Variants in CHN2 observed in about 807,000 individuals in gnomAD.
CHN2 encodes chimerin 2.
In CHN2, 35 loss-of-function variants were observed where a neutral mutation model predicts 56.3. The ratio of observed to expected loss-of-function variants is 0.62; its 90% CI spans 0.47 to 0.82. The LOEUF is 0.82. CHN2 is among the 40% of genes least tolerant of loss of function. The pLI, the probability that CHN2 is intolerant of heterozygous loss-of-function variation, is 0.00. For missense variants in CHN2, 491 were observed against 580.5 expected (o/e 0.85, Z 1.58); for synonymous variants, 210 against 212.8 (o/e 0.99, Z 0.12).
intron 1 of CHN2, among the ~76,000 whole-genome samples, chr7:29,349,668 C>G (rs994754724): frequency 2.6e-5 from 4 of 152,164 alleles, no homozygotes; most frequent in Non-Finnish European, 5.9e-5. Flanking sequence ...ATTGCTGAGT[C>G]AAAAGGTTGA....
intron 1 of CHN2, among the ~76,000 whole-genome samples, chr7:29,241,397 T>G (rs39079): frequency 0.77 from 117,332 of 151,924 alleles, 45,527 homozygotes; most frequent in East Asian, 0.93. Context: ...ATAGAAAGAG[T>G]GGGGGCCAGG....
At chr7:29,494,847 T>C (rs1034158679) in intron 7 of CHN2, among the ~76,000 whole-genome samples, 1 of 147,472 alleles carries the variant, frequency 6.8e-6, no homozygotes, top group Non-Finnish European at 1.5e-5. Context: ...AATAAAGAAC[T>C]CAAACTGAGG....
At chr7:29,509,458 G>A in intron 12 of CHN2, 52 bp downstream of exon 12, 1 of 1,430,732 alleles carries the variant, frequency 7.0e-7, no homozygotes, top group Non-Finnish European at 9.8e-7. Flanking sequence ...AGCGGTTAAT[G>A]CATGAGGAAA....
At chr7:29,333,321 C>G (rs1267680675) in intron 1 of CHN2, among the ~76,000 whole-genome samples, 1 of 152,190 alleles carries the variant, frequency 6.6e-6, no homozygotes, top group Non-Finnish European at 1.5e-5. Flanking sequence ...GAGCCAACAG[C>G]TGCTAAAGCT....
intron 1 of CHN2, among the ~76,000 whole-genome samples, chr7:29,286,893 A>G (rs981441523): frequency 1.3e-5 from 2 of 152,202 alleles, no homozygotes; most frequent in African/African-American, 2.4e-5. Flanking sequence ...TAGGATACCT[A>G]TGCTACCTGA....
At chr7:29,216,803 G>C (rs1379757877) in intron 1 of CHN2, among the ~76,000 whole-genome samples, 1 of 152,200 alleles carries the variant, frequency 6.6e-6, no homozygotes, top group Admixed American at 6.5e-5. Flanking sequence ...AGAACGAAGG[G>C]GAAATTAACC....
intron 6 of CHN2, among the ~76,000 whole-genome samples, chr7:29,477,679 A>C (rs977089556): frequency 6.6e-6 from 1 of 152,236 alleles, no homozygotes; most frequent in Non-Finnish European, 1.5e-5. Context: ...CTGCCATAAC[A>C]GTTGTCCTTC....
chr7:29,273,149 TTTCA>T (rs1388558623), intron 1 of CHN2, among the ~76,000 whole-genome samples: 1 of 151,700 alleles, frequency 6.6e-6, no homozygotes, highest in Non-Finnish European at 1.5e-5. Flanking sequence ...GTAATCATTG[TTTCA>T]TTCTCTATCT....
At chr7:29,271,012 T>C (rs760289942) in intron 1 of CHN2, among the ~76,000 whole-genome samples, 23 of 152,206 alleles carry the variant, frequency 1.5e-4, no homozygotes, top group Non-Finnish European at 1.5e-4. Context: ...TACATTATCT[T>C]GATAATCTTT....
chr7:29,243,829 C>G (rs1318213417), intron 1 of CHN2, among the ~76,000 whole-genome samples: 12 of 152,184 alleles, frequency 7.9e-5, no homozygotes, highest in African/African-American at 2.7e-4. Flanking sequence ...TTAAATAAGT[C>G]TGAAATTAAT....
intron 1 of CHN2, among the ~76,000 whole-genome samples, chr7:29,351,267 G>A (rs1382045871): frequency 6.6e-6 from 1 of 152,134 alleles, no homozygotes; most frequent in Non-Finnish European, 1.5e-5. Context: ...TTAGTTGTCA[G>A]AGATAGGATT....
intron 4 of CHN2, chr7:29,398,097 GTTTCAACTTTCAT>G (rs1482083417): frequency 4.3e-6 from 1 of 234,520 alleles, no homozygotes; most frequent in African/African-American, 2.3e-5. Flanking sequence ...CTGGCTTTTT[GTTTCAACTTTCAT>G]TTTCAACTTG....
chr7:29,386,367 T>A (rs143738860), intron 3 of CHN2, among the ~76,000 whole-genome samples: 3 of 152,322 alleles, frequency 2.0e-5, no homozygotes, highest in African/African-American at 7.2e-5. Flanking sequence ...ACTTGATCCA[T>A]CTCTCAGAAA....
At chr7:29,481,430 A>C (rs1787213833) in intron 7 of CHN2, among the ~76,000 whole-genome samples, 1 of 152,190 alleles carries the variant, frequency 6.6e-6, no homozygotes, top group South Asian at 2.1e-4. Context: ...TCTATTAAAT[A>C]TACATTGGTG....
intron 1 of CHN2, among the ~76,000 whole-genome samples, chr7:29,280,474 G>A (rs533152173): frequency 1.8e-4 from 27 of 152,230 alleles, no homozygotes; most frequent in African/African-American, 5.8e-4. Flanking sequence ...TTGAGTTTGG[G>A]GGCTTGTTGG....
At chr7:29,211,584 A>G (rs1784962612) in intron 1 of CHN2, among the ~76,000 whole-genome samples, 1 of 152,066 alleles carries the variant, frequency 6.6e-6, no homozygotes, top group Non-Finnish European at 1.5e-5. Context: ...TCATTTATCT[A>G]AAAACTATCA....
chr7:29,458,498 T>C (rs1418034644), intron 6 of CHN2, among the ~76,000 whole-genome samples: 1 of 152,128 alleles, frequency 6.6e-6, no homozygotes, highest in East Asian at 1.9e-4. Flanking sequence ...ATTATCTGTT[T>C]ATGTGTCTCA....
chr7:29,210,963 C>G (rs1321090460), intron 1 of CHN2, among the ~76,000 whole-genome samples: 2 of 152,116 alleles, frequency 1.3e-5, no homozygotes, highest in Admixed American at 1.3e-4. Context: ...CATGGAGGGC[C>G]TCGTAGGCCG....
intron 6 of CHN2, among the ~76,000 whole-genome samples, chr7:29,475,232 CAAAAAAAGAAGA>C (rs1786494621): frequency 6.6e-6 from 1 of 151,692 alleles, no homozygotes; most frequent in Non-Finnish European, 1.5e-5. Context: ...CTTTATTCAT[CAAAAAAAGAAGA>C]AAAAAAAGAA....
Sources: allele counts gnomAD v4.1 joint callset (sites outside exome capture counted in the v4.1 genomes callset), GRCh38; gene constraint gnomAD v4.1.1; transcripts MANE v1.5; gene names NCBI Gene and HGNC (gene_info 2026-07-23, HGNC 2026-07-21).